The following DCC variants were observed in gnomAD, a reference collection of about 807,000 sequenced individuals.
The protein encoded by DCC is DCC netrin 1 receptor.
DCC carries 58 observed loss-of-function variants against 172.5 expected under a neutral mutation model. The ratio of observed to expected loss-of-function variants is 0.34; its 90% confidence interval spans 0.27 to 0.42. DCC has a LOEUF of 0.42. Ranked by LOEUF, DCC falls within the 10% of genes least tolerant of loss-of-function variation. The pLI is 1.00. For missense variants in DCC, 1,740 were observed against 1,791.0 expected (o/e 0.97, Z 0.51); for synonymous variants, 709 against 644.5 (o/e 1.10, Z -1.52).
intron 7 of DCC, among the ~76,000 whole-genome samples, chr18:53,128,862 CACACACACATATATAT>C (rs1465585699): frequency 1.7e-3 from 137 of 81,076 alleles, no homozygotes; most frequent in African/African-American, 5.4e-3. Context: ...CACACACACA[CACACACACATATATAT>C]ATATATATAT....
intron 5 of DCC, among the ~76,000 whole-genome samples, chr18:52,947,468 A>T (rs888957887): frequency 6.6e-6 from 1 of 152,174 alleles, no homozygotes; most frequent in Admixed American, 6.5e-5. Flanking sequence ...GGGTAGTAGG[A>T]GAGCTGATAT....
At chr18:52,492,820 C>A (rs2030571344) in intron 1 of DCC, among the ~76,000 whole-genome samples, 1 of 151,922 alleles carries the variant, frequency 6.6e-6, no homozygotes, top group African/African-American at 2.4e-5. Flanking sequence ...TGGCTTTTGC[C>A]AGACATGGAT....
chr18:53,043,493 G>A (rs62097949), intron 5 of DCC, among the ~76,000 whole-genome samples: 3,505 of 151,850 alleles, frequency 0.023, 55 homozygotes, highest in Middle Eastern at 0.037. Context: ...AGAGGACCAG[G>A]AAGAAATCCT....
intron 26 of DCC, among the ~76,000 whole-genome samples, chr18:53,498,158 T>C (rs59787714): frequency 0.061 from 9,357 of 152,278 alleles, 851 homozygotes; most frequent in African/African-American, 0.2. Flanking sequence ...ATTCTATGTC[T>C]TGATCTTTTG....
intron 1 of DCC, among the ~76,000 whole-genome samples, chr18:52,474,237 AGAG>A (rs1989030265): frequency 1.2e-5 from 1 of 80,616 alleles, no homozygotes; most frequent in Non-Finnish European, 3.6e-5. Flanking sequence ...AGAGAGAGAG[AGAG>A]AGAAAGAGAG....
At chr18:52,918,735 G>T (rs563917670) in intron 3 of DCC, among the ~76,000 whole-genome samples, 1 of 152,014 alleles carries the variant, frequency 6.6e-6, no homozygotes, top group East Asian at 1.9e-4. Flanking sequence ...AACTCATATT[G>T]TAAATAAAGG....
intron 1 of DCC, among the ~76,000 whole-genome samples, chr18:52,434,131 A>G (rs1277908640): frequency 1.3e-5 from 2 of 152,224 alleles, no homozygotes; most frequent in Non-Finnish European, 2.9e-5. Flanking sequence ...ATTGTAATCA[A>G]TGCATAAAAG....
chr18:53,074,446 G>A (rs73957019), intron 7 of DCC, among the ~76,000 whole-genome samples: 5,920 of 152,158 alleles, frequency 0.039, 365 homozygotes, highest in African/African-American at 0.13. Flanking sequence ...AGCTTCCCTA[G>A]AACGTTTTCC....
intron 25 of DCC, among the ~76,000 whole-genome samples, chr18:53,486,294 T>C (rs1471607324): frequency 6.6e-6 from 1 of 152,208 alleles, no homozygotes; most frequent in Non-Finnish European, 1.5e-5. Flanking sequence ...AGATAAATCC[T>C]AAGTATGACT....
intron 1 of DCC, among the ~76,000 whole-genome samples, chr18:52,408,808 T>C (rs1043997830): frequency 3.3e-5 from 5 of 152,140 alleles, no homozygotes; most frequent in Non-Finnish European, 5.9e-5. Flanking sequence ...CATTTTGTGA[T>C]AGATTTGTAA....
rs1007733270 is a variant in DCC, at chr18:52,461,370, A to G, written c.91+120492A>G. Among the ~76,000 whole-genome samples the G allele has an allele frequency of 3.9e-5, 6 of 152,278 alleles. No homozygotes were observed. In the South Asian group the frequency reaches 1.2e-3, roughly 32 times the overall value. ...AAGGACTTGCCTGAGGCTATTTTCC[A>G]GTTAACTTTTCTTTTTTTAACAAGT... On this transcript the variant is annotated intron_variant, in intron 1 of 28. Transcript: ENST00000442544.
At chr18:53,361,460 C>A (rs1180259676) in intron 15 of DCC, among the ~76,000 whole-genome samples, 1 of 152,094 alleles carries the variant, frequency 6.6e-6, no homozygotes, top group African/African-American at 2.4e-5. Context: ...AATAATTTAA[C>A]ACAACACTAT....
At chr18:53,187,118 CTTTTT>C (rs1264434968) in intron 9 of DCC, among the ~76,000 whole-genome samples, 6,145 of 129,358 alleles carry the variant, frequency 0.048, 397 homozygotes, top group African/African-American at 0.17. Flanking sequence ...TACTTTCTCT[CTTTTT>C]TTTTTCTTTT....
chr18:52,710,556 T>A (rs1026062870), intron 1 of DCC, among the ~76,000 whole-genome samples: 1 of 152,176 alleles, frequency 6.6e-6, no homozygotes, highest in Non-Finnish European at 1.5e-5. Flanking sequence ...CACCAAAACA[T>A]GAGGGGAAGA....
At chr18:52,818,170 G>T (rs149710511) in intron 2 of DCC, 1 of 152,150 alleles carries the variant, frequency 6.6e-6, no homozygotes, top group African/African-American at 2.4e-5. Flanking sequence ...TTGAACCCAG[G>T]AGTTGGAGAC....
At chr18:53,003,386 G>A (rs527315100) in intron 5 of DCC, among the ~76,000 whole-genome samples, 38 of 152,258 alleles carry the variant, frequency 2.5e-4, no homozygotes, top group African/African-American at 8.2e-4. Flanking sequence ...GGTCAGTGGC[G>A]GAGCCTGTGT....
chr18:53,063,902 C>T (rs1383330033), intron 6 of DCC, among the ~76,000 whole-genome samples: 1 of 152,058 alleles, frequency 6.6e-6, no homozygotes, highest in African/African-American at 2.4e-5. Context: ...ATACAGACAG[C>T]TTTTTTTTCC....
At chr18:52,412,234 G>C (rs1445962537) in intron 1 of DCC, among the ~76,000 whole-genome samples, 3 of 152,028 alleles carry the variant, frequency 2.0e-5, no homozygotes, top group Non-Finnish European at 4.4e-5. Flanking sequence ...GTATACACAT[G>C]TATGTATGTA....
intron 15 of DCC, among the ~76,000 whole-genome samples, chr18:53,381,553 A>ACCCCCCCCCCCCCCCCCCCCCC (rs1491418248): frequency 1.6e-5 from 1 of 61,690 alleles, no homozygotes; most frequent in African/African-American, 5.2e-5. Flanking sequence ...TTTTATATTT[A>ACCCCCCCCCCCCCCCCCCCCCC]CCCCCCACCC....
Sources: gnomAD v4.1 joint callset for allele counts (sites outside exome capture counted in the v4.1 genomes callset) on GRCh38, gnomAD v4.1.1 for gene constraint, MANE v1.5 for transcripts, NCBI Gene and HGNC (gene_info 2026-07-23, HGNC 2026-07-21) for gene names.